Variants in CDH8 observed in about 807,000 individuals in gnomAD.
The protein encoded by CDH8 is cadherin-8.
CDH8 carries 17 observed loss-of-function variants against 68.1 expected under a neutral mutation model. The observed-to-expected ratio is 0.25, with a 90% CI of 0.17 to 0.37. The LOEUF (loss-of-function observed/expected upper bound fraction) is 0.37, where lower values mean the gene tolerates loss of function less well. Among genes scored for constraint, CDH8 ranks in the 10% least tolerant of loss-of-function variants. The pLI is 1.00. For synonymous variants in CDH8, 372 were observed against 365.1 expected, an observed-to-expected ratio of 1.02 and a Z score of -0.21; for missense variants, 763 against 999.3, an observed-to-expected ratio of 0.76 and a Z score of 3.19.
intron 3 of CDH8, among the ~76,000 whole-genome samples, chr16:61,871,046 A>C (rs761520673): frequency 6.6e-6 from 1 of 152,182 alleles, no homozygotes; most frequent in Admixed American, 6.5e-5. Flanking sequence ...TCATTCATCT[A>C]TTCAATTACT....
At chr16:61,792,718 G>T (rs951951135) in intron 7 of CDH8, among the ~76,000 whole-genome samples, 3 of 151,860 alleles carry the variant, frequency 2.0e-5, no homozygotes, top group Non-Finnish European at 2.9e-5. Flanking sequence ...ACACATAAAG[G>T]GCTTATCTTA....
chr16:61,744,892 C>T (rs566848980), intron 8 of CDH8, among the ~76,000 whole-genome samples: 2 of 151,190 alleles, frequency 1.3e-5, no homozygotes, highest in East Asian at 3.9e-4. Flanking sequence ...TTAATTCTAC[C>T]TCAACTTTAT....
At chr16:61,789,099 T>A (rs1287569319) in intron 8 of CDH8, among the ~76,000 whole-genome samples, 1 of 152,152 alleles carries the variant, frequency 6.6e-6, no homozygotes, top group Non-Finnish European at 1.5e-5. Flanking sequence ...TGCAAAGCAT[T>A]GTTTTTAATG....
intron 3 of CDH8, among the ~76,000 whole-genome samples, chr16:61,891,497 A>G (rs1161149838): frequency 6.6e-6 from 1 of 152,132 alleles, no homozygotes; most frequent in Non-Finnish European, 1.5e-5. Context: ...TAAACCATAG[A>G]CCATTTAGGG....
Position 61,825,079 on chromosome 16 carries a change from C to A in CDH8, c.768G>T (p.Leu256=). Reference sequence around the variant, plus strand: ...TCACTGTAAGTGTCGTGGTCCCAGACAGGCCACCAGAGTGTCCACCCATAT... The same window carrying A: ...TCACTGTAAGTGTCGTGGTCCCAGAAAGGCCACCAGAGTGTCCACCCATAT... ...AKDMGGHSGG[L]SGTTTLTVTL... Residue 256 remains leucine, a synonymous_variant, in exon 5 of 12, where the codon CTG becomes CTT. Transcript: ENST00000577390. 1 of 1,612,116 alleles carries A rather than the reference C, an allele frequency of 6.2e-7. No homozygotes were observed. Among genetic ancestry groups the A allele is most frequent in the Non-Finnish European group, 8.5e-7 (1 of 1,178,758 alleles).
At chr16:61,893,651 C>G (rs1510159) in intron 3 of CDH8, among the ~76,000 whole-genome samples, 1 of 151,820 alleles carries the variant, frequency 6.6e-6, no homozygotes, top group Non-Finnish European at 1.5e-5. Flanking sequence ...TCAAACAGCG[C>G]GTTGGGCCAA....
At chr16:61,682,753 CT>C (rs1426685208) in intron 10 of CDH8, among the ~76,000 whole-genome samples, 7 of 151,926 alleles carry the variant, frequency 4.6e-5, no homozygotes, top group Non-Finnish European at 7.4e-5. Context: ...TTGCAATTAT[CT>C]TGCTTGATTT....
chr16:61,876,364 C>T (rs1477459956), intron 3 of CDH8, among the ~76,000 whole-genome samples: 1 of 152,088 alleles, frequency 6.6e-6, no homozygotes, highest in East Asian at 1.9e-4. Flanking sequence ...AATCCCTTAA[C>T]AGCTGAGAGT....
chr16:61,910,336 CACA>C (rs1429947115), intron 2 of CDH8, among the ~76,000 whole-genome samples: 1 of 123,734 alleles, frequency 8.1e-6, no homozygotes, highest in East Asian at 2.3e-4. Context: ...ACCAAGCAGC[CACA>C]AAAAAAAAAA....
intron 9 of CDH8, among the ~76,000 whole-genome samples, chr16:61,720,454 G>T (rs576148622): frequency 6.6e-6 from 1 of 150,862 alleles, no homozygotes; most frequent in Admixed American, 6.6e-5. Context: ...ATATCAGTCC[G>T]TAATAGCCCA....
At chr16:61,779,751 A>T (rs1158547655) in intron 8 of CDH8, among the ~76,000 whole-genome samples, 1 of 152,128 alleles carries the variant, frequency 6.6e-6, no homozygotes, top group African/African-American at 2.4e-5. Flanking sequence ...TTTATTAGGC[A>T]ATATTCTTAC....
At chr16:61,911,859 A>T (rs920429511) in intron 2 of CDH8, among the ~76,000 whole-genome samples, 2 of 152,120 alleles carry the variant, frequency 1.3e-5, no homozygotes, top group Non-Finnish European at 2.9e-5. Flanking sequence ...TGGATATTTA[A>T]CACAGATAAA....
chr16:61,852,846 A>C (rs1962963425), intron 4 of CDH8, among the ~76,000 whole-genome samples: 2 of 127,088 alleles, frequency 1.6e-5, no homozygotes, highest in African/African-American at 6.8e-5. Context: ...GCTCTCCCTG[A>C]CTCTGCCCTT....
intron 3 of CDH8, among the ~76,000 whole-genome samples, chr16:61,871,172 A>G (rs1044984334): frequency 4.6e-5 from 7 of 151,808 alleles, no homozygotes; most frequent in Admixed American, 1.3e-4. Context: ...ACACACACTT[A>G]TACAATAAGT....
intron 3 of CDH8, among the ~76,000 whole-genome samples, chr16:61,867,369 T>C (rs758819983): frequency 6.6e-6 from 1 of 152,082 alleles, no homozygotes; most frequent in Non-Finnish European, 1.5e-5. Context: ...TCTACAAGGG[T>C]AGACCAGTAG....
At chr16:61,809,963 T>G (rs1301042066) in intron 7 of CDH8, among the ~76,000 whole-genome samples, 1 of 152,196 alleles carries the variant, frequency 6.6e-6, no homozygotes, top group African/African-American at 2.4e-5. Context: ...TTTGCTGCCC[T>G]TGGAGAAAGA....
Position 61,648,052 on chromosome 16 carries a change from C to A in CDH8, c.*5556G>T. Reference sequence around the variant, plus strand: ...AGCAAATGCCTACTAACCTTGAGACCTAGATGAAACTTCCACACATAAAGG... The same window carrying A: ...AGCAAATGCCTACTAACCTTGAGACATAGATGAAACTTCCACACATAAAGG... On this transcript the variant is annotated 3_prime_UTR_variant, in exon 12 of 12. Transcript: ENST00000577390. 1.9e-6 allele frequency: 1 copy of A among 537,360 alleles called. No homozygotes were observed. The highest frequency in any genetic ancestry group is 3.1e-5 in the East Asian group (1 of 32,094). 33.3% of individuals were successfully genotyped at this position (537,360 alleles called of 1,614,324 possible). A position where few individuals can be genotyped will look rare whatever the true frequency, so the allele number is the denominator to read the frequency against.
chr16:62,030,225 G>C (rs1204133528), intron 1 of CDH8, among the ~76,000 whole-genome samples: 1 of 152,140 alleles, frequency 6.6e-6, no homozygotes, highest in Non-Finnish European at 1.5e-5. Context: ...TTATGACCCA[G>C]AATGTATAAT....
At chr16:61,940,796 A>T (rs1158015589) in intron 2 of CDH8, 6 of 152,214 alleles carry the variant, frequency 3.9e-5, no homozygotes, top group Non-Finnish European at 7.3e-5. Flanking sequence ...CTGACTCAAC[A>T]GCAGCGGCTT....
Sources: allele counts gnomAD v4.1 joint callset (sites outside exome capture counted in the v4.1 genomes callset), GRCh38; gene constraint gnomAD v4.1.1; transcripts MANE v1.5; gene names NCBI Gene and HGNC (gene_info 2026-07-23, HGNC 2026-07-21).